Variants in SEL1L3 observed in about 807,000 individuals in gnomAD.
SEL1L3 encodes the protein protein sel-1 homolog 3.
Under a neutral mutation model 142.8 loss-of-function variants are expected in SEL1L3, and 76 were observed. The ratio of observed to expected loss-of-function variants is 0.53; its 90% CI spans 0.44 to 0.64. SEL1L3 has a LOEUF of 0.64. Among genes scored for constraint, SEL1L3 ranks in the 30% least tolerant of loss-of-function variants. SEL1L3 has a pLI of 0.00. For missense variants in SEL1L3, 1,262 were observed against 1,381.7 expected (o/e 0.91, Z 1.37); for synonymous variants, 504 against 519.6 (o/e 0.97, Z 0.41).
At chr4:25,801,992 G>C (rs923147575) in intron 11 of SEL1L3, among the ~76,000 whole-genome samples, 1 of 152,186 alleles carries the variant, frequency 6.6e-6, no homozygotes, top group Non-Finnish European at 1.5e-5. Context: ...GTTTCTGGTA[G>C]GTACACACTT....
intron 20 of SEL1L3, among the ~76,000 whole-genome samples, chr4:25,760,548 C>A (rs1718307508): frequency 6.6e-6 from 1 of 152,206 alleles, no homozygotes. Context: ...TGCAACCTCA[C>A]CGGCACCTGT....
At chr4:25,824,279 C>T (rs1357655198) in intron 6 of SEL1L3, among the ~76,000 whole-genome samples, 1 of 152,154 alleles carries the variant, frequency 6.6e-6, no homozygotes, top group African/African-American at 2.4e-5. Flanking sequence ...GCCCTCTTAA[C>T]GGAGCTGCAG....
At chr4:25,731,753 G>A in the SEL1L3 span, among the ~76,000 whole-genome samples, 1 of 152,050 alleles carries the variant, frequency 6.6e-6, no homozygotes, top group Non-Finnish European at 1.5e-5. Flanking sequence ...ATTTGGGTTA[G>A]TTCCAGTTAG....
chr4:25,741,997 A>C, the SEL1L3 span, among the ~76,000 whole-genome samples: 2 of 151,690 alleles, frequency 1.3e-5, no homozygotes, highest in East Asian at 3.9e-4. Flanking sequence ...GTTTTAGTAG[A>C]GATGGGGTTT....
intron 11 of SEL1L3, among the ~76,000 whole-genome samples, chr4:25,801,800 C>A (rs190508144): frequency 7.5e-4 from 114 of 152,164 alleles, no homozygotes; most frequent in Non-Finnish European, 1.4e-3. Context: ...TCTCAAGCAC[C>A]CAGCAGGGGG....
the SEL1L3 span, among the ~76,000 whole-genome samples, chr4:25,735,981 C>T: frequency 1.3e-5 from 2 of 151,756 alleles, no homozygotes; most frequent in East Asian, 3.9e-4. Flanking sequence ...AGGCGCCCGC[C>T]ACCACGCCTG....
At chr4:25,719,533 G>T in the SEL1L3 span, 1 of 150,678 alleles carries the variant, frequency 6.6e-6, no homozygotes, top group South Asian at 2.1e-4. Flanking sequence ...AGAGGTAGTA[G>T]TCAGGCTGTT....
intron 6 of SEL1L3, among the ~76,000 whole-genome samples, chr4:25,824,879 G>A (rs950249916): frequency 6.6e-5 from 10 of 152,148 alleles, no homozygotes; most frequent in African/African-American, 2.4e-4. Context: ...ATTGTAAAAT[G>A]TCATGGGAAA....
At position 25,759,071 on chromosome 4, in the gene SEL1L3, A is replaced by G. The variant is rs2276954; in HGVS notation, c.2956-3T>C. ...AGCAGGGCCAGGTTAAAAAATCCCT[A>G]AAAACAAGCCACAAACCAAACTCAT... On this transcript the variant is annotated splice_polypyrimidine_tract_variant and splice_region_variant and intron_variant, in intron 20 of 23. Coordinates refer to ENST00000399878, the MANE Select transcript of SEL1L3 (RefSeq NM_015187.5). 0.21 allele frequency: 330,718 copies of G among 1,611,516 alleles called. 35,148 individuals are homozygous for G. The highest frequency in any genetic ancestry group is 0.32 in the Middle Eastern group (1,933 of 6,050).
At chr4:25,752,154 C>T (rs1369523228) in intron 23 of SEL1L3, among the ~76,000 whole-genome samples, 4 of 148,264 alleles carry the variant, frequency 2.7e-5, no homozygotes, top group Non-Finnish European at 5.9e-5. Context: ...CGGTGGCTAA[C>T]GCCTGTAATC....
chr4:25,752,685 A>G (rs1717685305), intron 23 of SEL1L3, among the ~76,000 whole-genome samples: 1 of 152,178 alleles, frequency 6.6e-6, no homozygotes, highest in Non-Finnish European at 1.5e-5. Context: ...CAATGGAGCA[A>G]TCTGGGCTCT....
chr4:25,807,921 C>T (rs1490705200), intron 9 of SEL1L3, among the ~76,000 whole-genome samples: 1 of 152,070 alleles, frequency 6.6e-6, no homozygotes, highest in East Asian at 1.9e-4. Flanking sequence ...CAAAACTCCC[C>T]CCAAAATATA....
Position 25,808,173 on chromosome 4 carries a change from AGTCAATCT to A in SEL1L3, c.1565-3429_1565-3422del, listed in dbSNP as rs1233314714. 2.0e-5 allele frequency among the ~76,000 whole-genome samples: 3 copies of A among 152,166 alleles called. No homozygotes were observed. The East Asian group carries it at 5.8e-4, about 29-fold the overall frequency. On this transcript the variant is annotated intron_variant, in intron 9 of 23. Transcript: ENST00000399878. ...TGGCTTAGCATATGCATTTTTTTCT[AGTCAATCT>A]GTAACTAAAAACATGCCTTGTTTAT...
chr4:25,838,596 G>A (rs948502132), intron 2 of SEL1L3, among the ~76,000 whole-genome samples: 1 of 152,162 alleles, frequency 6.6e-6, no homozygotes, highest in African/African-American at 2.4e-5. Flanking sequence ...CTAAAACACT[G>A]AAATATTTCT....
At chr4:25,726,823 T>C in the SEL1L3 span, among the ~76,000 whole-genome samples, 5 of 152,188 alleles carry the variant, frequency 3.3e-5, no homozygotes, top group Non-Finnish European at 7.4e-5. Flanking sequence ...TTGTGAGACG[T>C]GCTACAACAA....
At chr4:25,811,351 A>G (rs1354549232) in intron 9 of SEL1L3, among the ~76,000 whole-genome samples, 1 of 152,266 alleles carries the variant, frequency 6.6e-6, no homozygotes, top group African/African-American at 2.4e-5. Flanking sequence ...CCTGAGAAAC[A>G]GAACGATGTT....
intron 2 of SEL1L3, among the ~76,000 whole-genome samples, chr4:25,840,426 C>T (rs1716098530): frequency 6.6e-6 from 1 of 151,954 alleles, no homozygotes; most frequent in Non-Finnish European, 1.5e-5. Flanking sequence ...AGGCTGGTTC[C>T]AACACTTGAC....
At chr4:25,736,165 T>G in the SEL1L3 span, among the ~76,000 whole-genome samples, 10 of 151,468 alleles carry the variant, frequency 6.6e-5, no homozygotes, top group Admixed American at 6.6e-5. Flanking sequence ...TTATTTTTGT[T>G]GATTTTCAAT....
chr4:25,767,460 G>A, intron 19 of SEL1L3, 65 bp downstream of exon 19: 1 of 818,628 alleles, frequency 1.2e-6, no homozygotes, highest in Non-Finnish European at 2.0e-6. Context: ...GCTGTCAGAT[G>A]TTCCCTGTTA....
Sources: allele counts gnomAD v4.1 joint callset (sites outside exome capture counted in the v4.1 genomes callset), GRCh38; gene constraint gnomAD v4.1.1; transcripts MANE v1.5; gene names NCBI Gene and HGNC (gene_info 2026-07-23, HGNC 2026-07-21).